EFCAB13: variants seen among roughly 807,000 people sequenced by gnomAD.
EFCAB13 encodes the protein EF-hand calcium-binding domain-containing protein 13.
EFCAB13 carries 91 observed loss-of-function variants against 110.2 expected under a neutral mutation model. The observed-to-expected ratio is 0.83, with a 90% CI of 0.70 to 0.98. EFCAB13 has a LOEUF of 0.98. Ranked by LOEUF, EFCAB13 falls within the 50% of genes least tolerant of loss-of-function variation. The probability of loss-of-function intolerance (pLI) is 0.00; values close to 1 mark genes in which losing one functional copy is unlikely to be tolerated. For missense variants in EFCAB13, 968 were observed against 1,119.4 expected (o/e 0.86, Z 1.93); for synonymous variants, 323 against 369.9 (o/e 0.87, Z 1.45).
At chr17:47,326,573 G>T (rs915018555) in intron 3 of EFCAB13, among the ~76,000 whole-genome samples, 186 bp downstream of exon 3, 3 of 152,090 alleles carry the variant, frequency 2.0e-5, no homozygotes, top group Admixed American at 2.0e-4. Flanking sequence ...ATAAATTTAG[G>T]CTATAGTTGG....
chr17:47,404,684 C>G (rs1336710892), intron 20 of EFCAB13, 51 bp downstream of exon 20: 3 of 1,371,594 alleles, frequency 2.2e-6, no homozygotes, highest in Non-Finnish European at 3.1e-6. Context: ...AGAACTTATT[C>G]AAAGTTCACC....
intron 5 of EFCAB13, among the ~76,000 whole-genome samples, chr17:47,337,128 A>G (rs1005132454): frequency 1.1e-4 from 17 of 152,358 alleles, no homozygotes; most frequent in Middle Eastern, 3.4e-3. Flanking sequence ...CTAGAAGACT[A>G]CAATAAAACT....
At chr17:47,348,943 TG>T (rs1469833775) in intron 9 of EFCAB13, among the ~76,000 whole-genome samples, 1 of 152,224 alleles carries the variant, frequency 6.6e-6, no homozygotes, top group Non-Finnish European at 1.5e-5. Flanking sequence ...TTTTCTTTCA[TG>T]AATTGCTTTT....
intron 23 of EFCAB13, among the ~76,000 whole-genome samples, chr17:47,420,890 C>CA: frequency 7.1e-6 from 1 of 140,152 alleles, no homozygotes; most frequent in Non-Finnish European, 1.6e-5. Flanking sequence ...CCCGGCCAGC[C>CA]GCCCCGTCTG....
intron 18 of EFCAB13, among the ~76,000 whole-genome samples, chr17:47,403,008 G>A (rs1482119254): frequency 2.0e-5 from 3 of 152,146 alleles, no homozygotes; most frequent in African/African-American, 4.8e-5. Context: ...GTTTTTGAAG[G>A]AAATCAAGTG....
intron 14 of EFCAB13, among the ~76,000 whole-genome samples, chr17:47,382,793 C>T (rs1253051475): frequency 6.6e-6 from 1 of 152,090 alleles, no homozygotes; most frequent in Non-Finnish European, 1.5e-5. Context: ...TGATGCTGGC[C>T]TCATAAAATG....
intron 9 of EFCAB13, among the ~76,000 whole-genome samples, chr17:47,348,978 G>A (rs1243060310): frequency 6.6e-6 from 1 of 151,966 alleles, no homozygotes; most frequent in African/African-American, 2.4e-5. Context: ...AAAGATCTTT[G>A]CCAACCCAAA....
intron 4 of EFCAB13, among the ~76,000 whole-genome samples, chr17:47,330,200 G>T (rs898561233): frequency 1.3e-5 from 2 of 151,010 alleles, no homozygotes; most frequent in African/African-American, 4.9e-5. Flanking sequence ...ATTTCTTTTT[G>T]GGGGGGTGGG....
intron 9 of EFCAB13, among the ~76,000 whole-genome samples, chr17:47,348,604 C>T (rs1219855697): frequency 1.3e-5 from 2 of 151,786 alleles, no homozygotes; most frequent in African/African-American, 4.8e-5. Flanking sequence ...CTCTTGCCAC[C>T]CTTGAATTGA....
At chr17:47,325,396 A>T (rs551732513) in intron 2 of EFCAB13, among the ~76,000 whole-genome samples, 3 of 152,046 alleles carry the variant, frequency 2.0e-5, no homozygotes, top group African/African-American at 7.2e-5. Flanking sequence ...TTCCCTCCTC[A>T]CAGTAACCAG....
At chr17:47,360,740 A>C (rs2065508293) in intron 9 of EFCAB13, among the ~76,000 whole-genome samples, 1 of 152,096 alleles carries the variant, frequency 6.6e-6, no homozygotes, top group South Asian at 2.1e-4. Flanking sequence ...GTTTTCTTCT[A>C]GGGTTTTTAT....
intron 23 of EFCAB13, among the ~76,000 whole-genome samples, chr17:47,427,406 A>G (rs978734755): frequency 7.2e-5 from 11 of 152,092 alleles, no homozygotes; most frequent in African/African-American, 2.7e-4. Context: ...TTTGAAACAC[A>G]TTTTGCTTTT....
chr17:47,338,243 G>GTTTTTTTTTTTTTTTTTT (rs11334311), intron 5 of EFCAB13, among the ~76,000 whole-genome samples: 1 of 137,796 alleles, frequency 7.3e-6, no homozygotes, highest in Non-Finnish European at 1.6e-5. Context: ...GTCACTACTA[G>GTTTTTTTTTTTTTTTTTT]TTTTTTTTTT....
chr17:47,415,442 AT>A (rs1479556173), intron 23 of EFCAB13, among the ~76,000 whole-genome samples: 1 of 152,124 alleles, frequency 6.6e-6, no homozygotes, highest in Non-Finnish European at 1.5e-5. Flanking sequence ...AGTCTCTCTA[AT>A]TTTAAAAAGG....
intron 17 of EFCAB13, 43 bp from the exon 18 acceptor site, chr17:47,402,089 T>C (rs374450086): frequency 3.2e-6 from 5 of 1,539,892 alleles, no homozygotes; most frequent in Non-Finnish European, 3.6e-6. Context: ...GATCTGACTT[T>C]TGCGTAATGA....
chr17:47,382,667 G>C (rs565353614), intron 14 of EFCAB13, among the ~76,000 whole-genome samples: 233 of 151,838 alleles, frequency 1.5e-3, no homozygotes, highest in Middle Eastern at 3.4e-3. Flanking sequence ...TTTTTGATGT[G>C]TGGCTGGATT....
At chr17:47,388,490 G>C (rs2143402378) in intron 14 of EFCAB13, among the ~76,000 whole-genome samples, 1 of 152,272 alleles carries the variant, frequency 6.6e-6, no homozygotes, top group South Asian at 2.1e-4. Flanking sequence ...GTTTTCAGTA[G>C]GGGAGAATGA....
At chr17:47,405,863 A>T (rs11651643) in intron 20 of EFCAB13, among the ~76,000 whole-genome samples, 5 of 151,210 alleles carry the variant, frequency 3.3e-5, no homozygotes, top group African/African-American at 1.2e-4. Flanking sequence ...GTTCCCTTAT[A>T]CTCATTTAAT....
chr17:47,339,929 G>C (rs1248479498), intron 5 of EFCAB13: 1 of 152,058 alleles, frequency 6.6e-6, no homozygotes, highest in African/African-American at 2.4e-5. Context: ...TTGTCTTCCG[G>C]AGATAAGGAA....
Sources: allele counts gnomAD v4.1 joint callset (sites outside exome capture counted in the v4.1 genomes callset), GRCh38; gene constraint gnomAD v4.1.1; transcripts MANE v1.5; gene names NCBI Gene and HGNC (gene_info 2026-07-23, HGNC 2026-07-21).